Variants in DNM3 observed in about 807,000 individuals in gnomAD.
DNM3 encodes dynamin-3.
DNM3 carries 47 observed loss-of-function variants against 101.6 expected under a neutral mutation model. The observed-to-expected ratio is 0.46, with a 90% CI of 0.37 to 0.59. The LOEUF is 0.59. DNM3 is among the 20% of genes least tolerant of loss of function. DNM3 has a pLI of 0.00. For missense variants in DNM3, 849 were observed against 1,085.7 expected, an observed-to-expected ratio of 0.78 and a Z score of 3.06; for synonymous variants, 385 against 387.9, an observed-to-expected ratio of 0.99 and a Z score of 0.09.
At chr1:172,019,546 G>T (rs560293834) in intron 4 of DNM3, among the ~76,000 whole-genome samples, 2 of 151,908 alleles carry the variant, frequency 1.3e-5, no homozygotes, top group East Asian at 3.9e-4. Context: ...GGAATTCTCA[G>T]TCATTATTTC....
chr1:172,379,561 G>T (rs2068784254), intron 18 of DNM3, among the ~76,000 whole-genome samples: 1 of 151,982 alleles, frequency 6.6e-6, no homozygotes, highest in Admixed American at 6.6e-5. Flanking sequence ...TTGTTCCTAT[G>T]CCCATGCGTG....
chr1:172,123,129 GT>G (rs1314390192), intron 13 of DNM3, among the ~76,000 whole-genome samples: 36 of 152,204 alleles, frequency 2.4e-4, no homozygotes, highest in African/African-American at 7.5e-4. Flanking sequence ...ACATCCAAAT[GT>G]AAAAAAGTCA....
At chr1:172,310,183 TA>T (rs1422915486) in intron 16 of DNM3, 5 of 152,248 alleles carry the variant, frequency 3.3e-5, no homozygotes, top group African/African-American at 1.2e-4. Context: ...GTACCACTTT[TA>T]CTTTTGTTTT....
intron 14 of DNM3, among the ~76,000 whole-genome samples, chr1:172,209,568 C>T (rs1186919826): frequency 6.6e-6 from 1 of 151,974 alleles, no homozygotes; most frequent in African/African-American, 2.4e-5. Flanking sequence ...GTGATTATTG[C>T]TATTTGCATT....
intron 11 of DNM3, among the ~76,000 whole-genome samples, chr1:172,073,338 C>T (rs2052372465): frequency 6.6e-6 from 1 of 151,546 alleles, no homozygotes; most frequent in African/African-American, 2.4e-5. Flanking sequence ...CATATGTGTA[C>T]ATATTTGAAC....
chr1:171,943,865 A>G (rs2041976273), intron 2 of DNM3, among the ~76,000 whole-genome samples: 2 of 152,156 alleles, frequency 1.3e-5, no homozygotes, highest in African/African-American at 4.8e-5. Flanking sequence ...TTTTTATGTA[A>G]TGGGTGAGGA....
rs569908419 is a variant in DNM3, at chr1:172,027,889, T to C, written c.590-4513T>C. ...AAGAGCTAACTATCCTAAATATATA[T>C]GCACCCAATACAGGAGCATCCAGAA... is the stretch of plus-strand genomic sequence containing the variant. On this transcript the variant is annotated intron_variant, in intron 4 of 20. Coordinates refer to ENST00000627582, the MANE Select transcript of DNM3 (RefSeq NM_015569.5). Among the ~76,000 whole-genome samples the C allele has an allele frequency of 2.0e-3, 307 of 152,268 alleles. 1 individual carries two copies. The highest frequency in any genetic ancestry group is 2.1e-3 in the Non-Finnish European group (145 of 68,020).
chr1:172,349,681 CA>C (rs1156674835), intron 17 of DNM3, among the ~76,000 whole-genome samples: 11 of 152,110 alleles, frequency 7.2e-5, no homozygotes, highest in African/African-American at 2.6e-4. Flanking sequence ...TAAAAATTCC[CA>C]AACTTCATCC....
chr1:171,993,353 T>C (rs1020105893), intron 4 of DNM3, among the ~76,000 whole-genome samples: 3 of 152,076 alleles, frequency 2.0e-5, no homozygotes, highest in South Asian at 4.1e-4. Flanking sequence ...TTTTGAAGGA[T>C]AATTTTTACT....
chr1:171,972,752 G>A (rs1369083281), intron 2 of DNM3, among the ~76,000 whole-genome samples: 2 of 152,202 alleles, frequency 1.3e-5, no homozygotes, highest in Non-Finnish European at 2.9e-5. Context: ...GGGAGGATGA[G>A]GCAGGAGAAT....
At chr1:172,058,421 C>T (rs2050837849) in intron 10 of DNM3, among the ~76,000 whole-genome samples, 1 of 150,528 alleles carries the variant, frequency 6.6e-6, no homozygotes, top group Non-Finnish European at 1.5e-5. Flanking sequence ...CACACCTATT[C>T]CAAAATTGAC....
chr1:172,392,054 A>G (rs2069570783), intron 20 of DNM3, among the ~76,000 whole-genome samples: 2 of 152,214 alleles, frequency 1.3e-5, no homozygotes, highest in Non-Finnish European at 2.9e-5. Context: ...TAAAAAATAT[A>G]TATTATTGTA....
rs184290328 is a variant in DNM3, at chr1:172,219,714, G to A, written c.1660-33859G>A. Reference sequence around the variant, plus strand: ...GTGAAGATGTAGAAAAGTTCTTGATGGAGAGCACTCTTCCATGCCCTCCTT... The same window carrying A: ...GTGAAGATGTAGAAAAGTTCTTGATAGAGAGCACTCTTCCATGCCCTCCTT... On this transcript the variant is annotated intron_variant, in intron 14 of 20. Transcript: ENST00000627582. Among the ~76,000 whole-genome samples the A allele has an allele frequency of 4.6e-5, 7 of 152,232 alleles. No individual in the cohort carries two copies. The East Asian group carries it at 1.4e-3, about 29-fold the overall frequency.
In DNM3 at chr1:172,026,620, C is replaced by G. The variant is rs540965522; in HGVS notation, c.590-5782C>G. ...AACAGCAGATCTCTCTACAGAAACC[C>G]TACAAGCCAGAAGAGAGTGGGGGCC... On this transcript the variant is annotated intron_variant, in intron 4 of 20. Coordinates refer to ENST00000627582, the MANE Select transcript of DNM3 (RefSeq NM_015569.5). Among the ~76,000 whole-genome samples the G allele has an allele frequency of 8.6e-4, 130 of 151,118 alleles. 1 individual carries two copies. The highest frequency in any genetic ancestry group is 2.8e-3 in the African/African-American group (116 of 41,250).
At chr1:171,947,599 C>G (rs997136018) in intron 2 of DNM3, among the ~76,000 whole-genome samples, 1 of 152,106 alleles carries the variant, frequency 6.6e-6, no homozygotes, top group Non-Finnish European at 1.5e-5. Flanking sequence ...ACAATAACTT[C>G]CCTTAATATT....
At chr1:171,855,380 C>T (rs1354331292) in intron 1 of DNM3, among the ~76,000 whole-genome samples, 1 of 152,130 alleles carries the variant, frequency 6.6e-6, no homozygotes, top group Non-Finnish European at 1.5e-5. Context: ...TTATGTTTCT[C>T]TGGGTATATA....
rs2045463007 is a variant in DNM3, at chr1:171,989,007, C to G, written c.448C>G (p.Pro150Ala). The G allele has an allele frequency of 1.2e-6, 2 of 1,608,702 alleles. No homozygotes were observed. The highest frequency in any genetic ancestry group is 2.7e-5 in the African/African-American group (2 of 74,866). The change falls in exon 4 of 21, where the codon CCA (proline) becomes GCA (alanine). Residue 150 changes from proline to alanine, a missense_variant. Physicochemically the swap from Pro to Ala is conservative, Grantham distance 27 (BLOSUM62 -1). Transcript: ENST00000627582. ...TAAAGTGCCTGTGGGAGATCAGCCA[C>G]CAGATATCGAGTATCAGATCAGAGA... ...ITKVPVGDQP[P>A]DIEYQIREMI...
rs961775489 is a variant in DNM3 at position 171,870,772 on chromosome 1, A to G, written c.161+28955A>G. On this transcript the variant is annotated intron_variant, in intron 1 of 20. Coordinates refer to ENST00000627582, the MANE Select transcript of DNM3 (RefSeq NM_015569.5). The stretch of plus-strand genomic sequence containing the variant: ...AAAATAAAATGCGAAACTGAACACA[A>G]TCAGGTACCCAAACTGCCTGTATTT... Among the ~76,000 whole-genome samples, 4 of 152,208 alleles carry G rather than the reference A, an allele frequency of 2.6e-5. No homozygotes were observed. The East Asian group carries it at 7.7e-4, about 29-fold the overall frequency.
chr1:172,156,422 T>A (rs1247931071), intron 14 of DNM3, among the ~76,000 whole-genome samples: 1 of 152,126 alleles, frequency 6.6e-6, no homozygotes, highest in African/African-American at 2.4e-5. Context: ...TTTATATTTT[T>A]GTAATCTTCT....
Sources: allele counts gnomAD v4.1 joint callset (sites outside exome capture counted in the v4.1 genomes callset), GRCh38; gene constraint gnomAD v4.1.1; transcripts MANE v1.5; gene names NCBI Gene and HGNC (gene_info 2026-07-23, HGNC 2026-07-21).